Variants in ZNF385D observed in about 807,000 individuals in gnomAD.
The protein encoded by ZNF385D is zinc finger protein 385D.
ZNF385D carries 15 observed loss-of-function variants against 35.8 expected under a neutral mutation model. That is an observed-to-expected ratio of 0.42 (90% CI 0.28 to 0.64). ZNF385D has a LOEUF of 0.64. ZNF385D is among the 30% of genes least tolerant of loss of function. The pLI, the probability that ZNF385D is intolerant of heterozygous loss-of-function variation, is 0.23. For missense variants in ZNF385D, 474 were observed against 494.6 expected (o/e 0.96, Z 0.39); for synonymous variants, 212 against 186.8 (o/e 1.13, Z -1.10).
chr3:21,900,647 T>C (rs1699358103), intron 3 of ZNF385D, among the ~76,000 whole-genome samples: 1 of 152,130 alleles, frequency 6.6e-6, no homozygotes, highest in African/African-American at 2.4e-5. Context: ...AGTATGGACT[T>C]AAACCAAGAA....
At chr3:21,900,521 G>C (rs1273171066) in intron 3 of ZNF385D, among the ~76,000 whole-genome samples, 1 of 152,046 alleles carries the variant, frequency 6.6e-6, no homozygotes, top group African/African-American at 2.4e-5. Context: ...TATGAGAAAA[G>C]TGGTTAAGAT....
chr3:22,242,059 A>G (rs1046189868), intron 2 of ZNF385D, among the ~76,000 whole-genome samples: 2 of 133,514 alleles, frequency 1.5e-5, no homozygotes, highest in Non-Finnish European at 3.1e-5. Context: ...GGAACATCAC[A>G]CTCTGGGGAC....
intron 2 of ZNF385D, among the ~76,000 whole-genome samples, chr3:22,275,590 A>G (rs1040230949): frequency 6.6e-6 from 1 of 152,158 alleles, no homozygotes; most frequent in African/African-American, 2.4e-5. Context: ...CTAGGTTAAT[A>G]TTCTTATCTA....
chr3:21,882,427 AT>A (rs1290927817), intron 3 of ZNF385D, among the ~76,000 whole-genome samples: 16 of 135,486 alleles, frequency 1.2e-4, no homozygotes, highest in Middle Eastern at 7.9e-3. Context: ...GATATAAAAC[AT>A]TGTTGTTTTA....
chr3:22,154,826 C>G (rs948796569), intron 3 of ZNF385D, among the ~76,000 whole-genome samples: 1 of 152,110 alleles, frequency 6.6e-6, no homozygotes, highest in Non-Finnish European at 1.5e-5. Flanking sequence ...ATTTTAAAAT[C>G]TTTTAACTAT....
chr3:22,035,580 T>C (rs1261839758), intron 3 of ZNF385D, among the ~76,000 whole-genome samples: 1 of 152,168 alleles, frequency 6.6e-6, no homozygotes, highest in East Asian at 1.9e-4. Flanking sequence ...TAATTGTCTT[T>C]GATGAATTGT....
chr3:22,236,904 T>C (rs1559470941), intron 2 of ZNF385D, among the ~76,000 whole-genome samples: 1 of 152,234 alleles, frequency 6.6e-6, no homozygotes, highest in Non-Finnish European at 1.5e-5. Flanking sequence ...ATTGCATGAA[T>C]ATAGTACATT....
rs181996370 is a variant in ZNF385D at position 21,652,904 on chromosome 3, G to A, written c.165+11982C>T. Among the ~76,000 whole-genome samples the A allele has an allele frequency of 5.7e-4, 86 of 152,090 alleles. 5 individuals are homozygous for A. In the East Asian group the frequency reaches 0.017, roughly 29 times the overall value. Reference sequence around the variant, plus strand: ...TGAGTATTAACGTGTCTTCATTTTTGTTCAGATTTTTTTTTAAATAACAAA... The same window carrying A: ...TGAGTATTAACGTGTCTTCATTTTTATTCAGATTTTTTTTTAAATAACAAA... On this transcript the variant is annotated intron_variant, in intron 2 of 7. Coordinates refer to ENST00000281523, the MANE Select transcript of ZNF385D (RefSeq NM_024697.3).
chr3:21,857,096 C>G (rs1696759799), intron 3 of ZNF385D, among the ~76,000 whole-genome samples: 1 of 152,046 alleles, frequency 6.6e-6, no homozygotes. Context: ...GTATTTAAAA[C>G]TGTAGTAACC....
intron 2 of ZNF385D, among the ~76,000 whole-genome samples, chr3:21,618,043 G>C (rs533499906): frequency 6.6e-6 from 1 of 152,210 alleles, no homozygotes; most frequent in South Asian, 2.1e-4. Flanking sequence ...TGGGTTGAAT[G>C]GTGTCCCCCA....
At chr3:22,322,658 A>G (rs540615375) in intron 2 of ZNF385D, among the ~76,000 whole-genome samples, 1 of 152,198 alleles carries the variant, frequency 6.6e-6, no homozygotes, top group Non-Finnish European at 1.5e-5. Flanking sequence ...ATTATCTCTC[A>G]CTGAATATCA....
At chr3:22,122,911 T>C (rs1421101155) in intron 3 of ZNF385D, among the ~76,000 whole-genome samples, 1 of 152,106 alleles carries the variant, frequency 6.6e-6, no homozygotes, top group African/African-American at 2.4e-5. Flanking sequence ...ACGCCATAAG[T>C]GACTGGAAAA....
chr3:22,006,442 C>T (rs1679255), intron 3 of ZNF385D, among the ~76,000 whole-genome samples: 116,751 of 151,954 alleles, frequency 0.77, 45,529 homozygotes, highest in South Asian at 0.81. Flanking sequence ...TACAGGTGTT[C>T]CCAGAAATGA....
At chr3:22,149,036 A>G (rs1705051592) in intron 3 of ZNF385D, among the ~76,000 whole-genome samples, 1 of 152,132 alleles carries the variant, frequency 6.6e-6, no homozygotes, top group Non-Finnish European at 1.5e-5. Context: ...CATGGGCTGG[A>G]TGGATGCTAA....
At chr3:21,889,167 G>C (rs259533) in intron 3 of ZNF385D, among the ~76,000 whole-genome samples, 1 of 152,196 alleles carries the variant, frequency 6.6e-6, no homozygotes, top group Non-Finnish European at 1.5e-5. Context: ...GAGGCTGCTT[G>C]TAGTACTAGA....
chr3:21,767,679 G>T (rs1456537744), intron 3 of ZNF385D, among the ~76,000 whole-genome samples: 1 of 150,848 alleles, frequency 6.6e-6, no homozygotes, highest in African/African-American at 2.5e-5. Flanking sequence ...GAGTTAAGGT[G>T]GGGGGTGGGA....
chr3:21,965,597 G>A (rs766211538), intron 3 of ZNF385D, among the ~76,000 whole-genome samples: 3 of 152,124 alleles, frequency 2.0e-5, no homozygotes, highest in Non-Finnish European at 4.4e-5. Flanking sequence ...AAAACTAAAT[G>A]CAGTATATGA....
chr3:22,362,574 A>G (rs1317235909), intron 2 of ZNF385D, among the ~76,000 whole-genome samples: 1 of 152,144 alleles, frequency 6.6e-6, no homozygotes, highest in Non-Finnish European at 1.5e-5. Flanking sequence ...TATCAAAATC[A>G]TATCTTACAG....
chr3:22,206,084 A>C (rs1165221853), intron 2 of ZNF385D, among the ~76,000 whole-genome samples: 3 of 152,012 alleles, frequency 2.0e-5, no homozygotes, highest in Non-Finnish European at 4.4e-5. Flanking sequence ...AAGGATGGAA[A>C]AAGATATTAT....
Sources: gnomAD v4.1 joint callset for allele counts (sites outside exome capture counted in the v4.1 genomes callset) on GRCh38, gnomAD v4.1.1 for gene constraint, MANE v1.5 for transcripts, NCBI Gene and HGNC (gene_info 2026-07-23, HGNC 2026-07-21) for gene names.